The following DOCK7 variants were observed in gnomAD, a reference collection of about 807,000 sequenced individuals.
The protein encoded by DOCK7 is dedicator of cytokinesis 7.
DOCK7 carries 138 observed loss-of-function variants against 271.0 expected under a neutral mutation model. The observed-to-expected ratio is 0.51, with a 90% CI of 0.44 to 0.59. The LOEUF (loss-of-function observed/expected upper bound fraction) is 0.59, where lower values mean the gene tolerates loss of function less well. Ranked by LOEUF, DOCK7 falls within the 20% of genes least tolerant of loss-of-function variation. The probability of loss-of-function intolerance (pLI) is 0.00; values close to 1 mark genes in which losing one functional copy is unlikely to be tolerated. For synonymous variants in DOCK7, 823 were observed against 876.1 expected (o/e 0.94, Z 1.07); for missense variants, 2,066 against 2,592.4 (o/e 0.80, Z 4.41).
chr1:62,539,450 A>G, intron 27 of DOCK7, 95 bp downstream of exon 27: 2 of 1,064,370 alleles, frequency 1.9e-6, no homozygotes, highest in South Asian at 1.6e-5. Context: ...ATCAGTATAT[A>G]AATGTGCTCT....
At chr1:62,455,989 T>A (rs1396937036) in intron 49 of DOCK7, among the ~76,000 whole-genome samples, 2 of 152,208 alleles carry the variant, frequency 1.3e-5, no homozygotes. Context: ...TAGCATTGCT[T>A]ATTAAAAATG....
chr1:62,623,380 T>C (rs1653525394), intron 12 of DOCK7, among the ~76,000 whole-genome samples: 1 of 152,244 alleles, frequency 6.6e-6, no homozygotes, highest in Non-Finnish European at 1.5e-5. Flanking sequence ...CTGCTCCATG[T>C]TTCCAGCAAT....
At chr1:62,507,845 T>C in intron 35 of DOCK7, 117 bp downstream of exon 35, 1 of 902,110 alleles carries the variant, frequency 1.1e-6, no homozygotes. Flanking sequence ...GGAACGAAAC[T>C]TTTAGGAACT....
At chr1:62,623,502 T>C (rs1052030540) in intron 12 of DOCK7, among the ~76,000 whole-genome samples, 1 of 152,212 alleles carries the variant, frequency 6.6e-6, no homozygotes, top group Non-Finnish European at 1.5e-5. Context: ...ACTGGTTGGA[T>C]AAATAGATAG....
rs879195109 is a variant in DOCK7, at chr1:62,631,237, T to G, written c.1282+3A>C. 1 of 1,583,480 alleles carries G rather than the reference T, an allele frequency of 6.3e-7. No homozygotes were observed. The highest frequency in any genetic ancestry group is 1.2e-5 in the South Asian group (1 of 84,906). On this transcript the variant is annotated splice_donor_region_variant and intron_variant, in intron 11 of 49. Coordinates refer to ENST00000635253, the MANE Select transcript of DOCK7 (RefSeq NM_001367561.1). ...AGAAATGTTTTGTATGAAACACTCT[T>G]ACCTCCAGTACTGATTTCTACTTCT...
chr1:62,643,179 T>C (rs1040999419), intron 7 of DOCK7, among the ~76,000 whole-genome samples: 1 of 152,188 alleles, frequency 6.6e-6, no homozygotes, highest in African/African-American at 2.4e-5. Flanking sequence ...TAGACCAACC[T>C]GCCTGCTAAC....
At chr1:62,582,310 G>T in intron 16 of DOCK7, among the ~76,000 whole-genome samples, 1 of 151,884 alleles carries the variant, frequency 6.6e-6, no homozygotes, top group African/African-American at 2.4e-5. Context: ...CAGCACTTTG[G>T]GAGGCCGAGG....
At chr1:62,597,972 C>G in intron 14 of DOCK7, 1 of 1,557,418 alleles carries the variant, frequency 6.4e-7, no homozygotes, top group Admixed American at 2.2e-5. Flanking sequence ...TCTACTTCAA[C>G]AAAAAGTGAA....
intron 22 of DOCK7, among the ~76,000 whole-genome samples, chr1:62,550,361 G>C (rs1645856265): frequency 6.6e-6 from 1 of 152,114 alleles, no homozygotes; most frequent in Admixed American, 6.6e-5. Context: ...TAGATAGCAT[G>C]GTAAAAGTTT....
intron 38 of DOCK7, chr1:62,496,045 T>C (rs866795314): frequency 3.7e-5 from 14 of 382,482 alleles, no homozygotes; most frequent in Middle Eastern, 6.8e-4. Flanking sequence ...GGCATATTAT[T>C]GTTTGATTAA....
chr1:62,577,405 G>T, intron 17 of DOCK7, 42 bp from the exon 18 acceptor site: 2 of 1,460,564 alleles, frequency 1.4e-6, no homozygotes, highest in East Asian at 2.4e-5. Flanking sequence ...AAATATGCTT[G>T]CTATAAAAAT....
chr1:62,462,904 G>GTTT (rs1645570682), intron 48 of DOCK7, among the ~76,000 whole-genome samples: 1 of 121,270 alleles, frequency 8.2e-6, no homozygotes, highest in Non-Finnish European at 1.7e-5. Context: ...TTTTTTTAAA[G>GTTT]TAGAAAAAGC....
At chr1:62,587,530 A>G (rs1195571521) in intron 14 of DOCK7, among the ~76,000 whole-genome samples, 2 of 152,104 alleles carry the variant, frequency 1.3e-5, no homozygotes, top group South Asian at 2.1e-4. Context: ...AACTGTACAC[A>G]TGTGCAAATG....
chr1:62,543,999 G>C (rs1645620397), intron 23 of DOCK7, among the ~76,000 whole-genome samples: 1 of 151,926 alleles, frequency 6.6e-6, no homozygotes, highest in Non-Finnish European at 1.5e-5. Flanking sequence ...AATATTCAGA[G>C]TGTTGCAAAG....
rs932597693 is a variant in DOCK7 at position 62,488,738 on chromosome 1, C to G, written c.5493+196G>C. On this transcript the variant is annotated intron_variant, in intron 42 of 49. Transcript: ENST00000635253. ...CTATGCAGAAAGTTTATGATGATCA[C>G]CATTTACTTTAGGTGAATTCATTTT... 6 of 692,250 alleles carry G rather than the reference C, an allele frequency of 8.7e-6. No individual in the cohort carries two copies. In the Admixed American group the frequency reaches 1.3e-4, roughly 15 times the overall value. The allele number at this position is 692,250 out of a possible 1,614,324, so 42.9% of individuals were successfully genotyped here. A position where few individuals can be genotyped will look rare whatever the true frequency, so the allele number is the denominator to read the frequency against.
At chr1:62,537,534 C>T (rs577277593) in intron 28 of DOCK7, among the ~76,000 whole-genome samples, 2 of 149,824 alleles carry the variant, frequency 1.3e-5, no homozygotes, top group African/African-American at 2.5e-5. Flanking sequence ...TGCAGTGAGC[C>T]GAGATCGCAC....
chr1:62,465,960 A>G (rs1645664845), intron 48 of DOCK7, among the ~76,000 whole-genome samples: 1 of 152,246 alleles, frequency 6.6e-6, no homozygotes, highest in Non-Finnish European at 1.5e-5. Flanking sequence ...TGAAGTCATT[A>G]CACGACAAGG....
chr1:62,515,370 T>C (rs541316801), intron 31 of DOCK7, among the ~76,000 whole-genome samples: 48 of 152,340 alleles, frequency 3.2e-4, no homozygotes, highest in African/African-American at 1.1e-3. Context: ...CCCTGATCCC[T>C]AAATCCACAA....
chr1:62,636,434 T>A (rs1473882527), intron 8 of DOCK7, 103 bp downstream of exon 8: 2 of 816,450 alleles, frequency 2.4e-6, no homozygotes, highest in Non-Finnish European at 3.8e-6. Flanking sequence ...TTTAAAAAGA[T>A]CTATGTTTAA....
Sources: allele counts gnomAD v4.1 joint callset (sites outside exome capture counted in the v4.1 genomes callset), GRCh38; gene constraint gnomAD v4.1.1; transcripts MANE v1.5; gene names NCBI Gene and HGNC (gene_info 2026-07-23, HGNC 2026-07-21).